Variants in FBXW11 observed in about 807,000 individuals in gnomAD.
FBXW11 encodes the protein F-box/WD repeat-containing protein 11.
In FBXW11, 19 loss-of-function variants were observed where a neutral mutation model predicts 77.6. The observed-to-expected ratio is 0.24, with a 90% CI of 0.17 to 0.36. The LOEUF is 0.36. Among genes scored for constraint, FBXW11 ranks in the 10% least tolerant of loss-of-function variants. FBXW11 has a pLI of 1.00. For missense variants in FBXW11, 334 were observed against 704.2 expected, an observed-to-expected ratio of 0.47 and a Z score of 5.95; for synonymous variants, 235 against 249.4, an observed-to-expected ratio of 0.94 and a Z score of 0.54.
intron 7 of FBXW11, among the ~76,000 whole-genome samples, chr5:171,888,190 A>T (rs1336844726): frequency 6.6e-6 from 1 of 152,206 alleles, no homozygotes; most frequent in Non-Finnish European, 1.5e-5. Context: ...AAAAATTCCA[A>T]GAGTGACCCA....
chr5:171,875,954 C>T (rs1432574629), intron 9 of FBXW11, among the ~76,000 whole-genome samples: 1 of 152,184 alleles, frequency 6.6e-6, no homozygotes, highest in African/African-American at 2.4e-5. Context: ...GCCACACCTA[C>T]CTTAAAAGTG....
At chr5:171,947,747 C>A (rs1238371749) in intron 2 of FBXW11, among the ~76,000 whole-genome samples, 3 of 151,984 alleles carry the variant, frequency 2.0e-5, no homozygotes, top group Non-Finnish European at 4.4e-5. Context: ...GAGACGCCAT[C>A]TCTACAAAAA....
intron 4 of FBXW11, among the ~76,000 whole-genome samples, chr5:171,902,358 T>C (rs890352174): frequency 1.3e-5 from 2 of 152,222 alleles, no homozygotes; most frequent in African/African-American, 4.8e-5. Flanking sequence ...CTTTTAAACA[T>C]ATCTAGTTCA....
intron 1 of FBXW11, among the ~76,000 whole-genome samples, chr5:171,981,375 G>C (rs1475507266): frequency 2.0e-5 from 3 of 152,148 alleles, no homozygotes; most frequent in African/African-American, 7.2e-5. Flanking sequence ...CCTGAGTTCT[G>C]TGAGCCTTTA....
At chr5:172,004,177 C>G (rs1766586490) in intron 1 of FBXW11, among the ~76,000 whole-genome samples, 1 of 152,148 alleles carries the variant, frequency 6.6e-6, no homozygotes, top group Non-Finnish European at 1.5e-5. Flanking sequence ...TACATTTGAT[C>G]CTGGATTTAC....
At chr5:171,967,204 G>C (rs915704491) in intron 1 of FBXW11, among the ~76,000 whole-genome samples, 4 of 152,146 alleles carry the variant, frequency 2.6e-5, no homozygotes, top group Non-Finnish European at 5.9e-5. Flanking sequence ...CACATCATTT[G>C]ACTCAGCAAT....
At chr5:171,878,476 G>A (rs1328657832) in intron 7 of FBXW11, among the ~76,000 whole-genome samples, 1 of 152,114 alleles carries the variant, frequency 6.6e-6, no homozygotes, top group Non-Finnish European at 1.5e-5. Flanking sequence ...CATTTTGGGA[G>A]GCCGAGACAG....
At chr5:171,986,010 T>C (rs72835284) in intron 1 of FBXW11, among the ~76,000 whole-genome samples, 14,234 of 152,178 alleles carry the variant, frequency 0.094, 967 homozygotes, top group Non-Finnish European at 0.14. Context: ...CTCATAGGAG[T>C]TACGTACAGG....
intron 4 of FBXW11, among the ~76,000 whole-genome samples, chr5:171,905,206 C>T (rs1760393541): frequency 1.3e-5 from 2 of 152,182 alleles, no homozygotes; most frequent in African/African-American, 2.4e-5. Context: ...AACTAGGTTG[C>T]ATCTCAGTTC....
intron 2 of FBXW11, among the ~76,000 whole-genome samples, chr5:171,937,837 C>CAAAAAAAAAAA (rs893848306): frequency 3.5e-5 from 2 of 57,782 alleles, no homozygotes. Flanking sequence ...CAAAAAAAAG[C>CAAAAAAAAAAA]AAAAAAAAAA....
At chr5:172,006,150 T>C (rs1766751127) in intron 1 of FBXW11, among the ~76,000 whole-genome samples, 1 of 152,132 alleles carries the variant, frequency 6.6e-6, no homozygotes, top group African/African-American at 2.4e-5. Flanking sequence ...AATGGGGTGC[T>C]AGAGCGAGTG....
intron 1 of FBXW11, among the ~76,000 whole-genome samples, chr5:171,996,541 T>G (rs1295738647): frequency 6.6e-6 from 1 of 152,172 alleles, no homozygotes; most frequent in African/African-American, 2.4e-5. Flanking sequence ...CATGTGCCTG[T>G]GGTCCCAGCT....
At chr5:171,870,680 A>T in intron 11 of FBXW11, 68 bp downstream of exon 11, 1 of 1,194,014 alleles carries the variant, frequency 8.4e-7, no homozygotes, top group Non-Finnish European at 1.2e-6. Context: ...AGAGTTGCTT[A>T]ATATATAACA....
chr5:171,995,824 G>A (rs1268835600), intron 1 of FBXW11, among the ~76,000 whole-genome samples: 2 of 152,126 alleles, frequency 1.3e-5, no homozygotes, highest in Non-Finnish European at 2.9e-5. Flanking sequence ...TCTTTGAGTG[G>A]AAACGTGTTG....
At chr5:171,895,680 T>C (rs189661812) in intron 6 of FBXW11, among the ~76,000 whole-genome samples, 1 of 152,340 alleles carries the variant, frequency 6.6e-6, no homozygotes, top group African/African-American at 2.4e-5. Flanking sequence ...TCTCTGTTAA[T>C]AGACAATTGG....
chr5:171,992,433 A>G (rs778632727), intron 1 of FBXW11, among the ~76,000 whole-genome samples: 8 of 151,974 alleles, frequency 5.3e-5, no homozygotes, highest in Non-Finnish European at 1.2e-4. Flanking sequence ...TGAAAGAAAA[A>G]GAGAGAAAGG....
chr5:171,873,038 C>T (rs760232552), intron 9 of FBXW11, 48 bp from the exon 10 acceptor site: 5 of 1,442,746 alleles, frequency 3.5e-6, no homozygotes, highest in Non-Finnish European at 4.9e-6. Flanking sequence ...CAGGAAAGTC[C>T]TCTCACAATA....
At position 171,866,954 on chromosome 5, in the gene FBXW11, C is replaced by A. The variant is rs139195271; in HGVS notation, c.*25+1656G>T. 4.7e-3 allele frequency among the ~76,000 whole-genome samples: 717 copies of A among 152,284 alleles called. 4 individuals carry two copies. Among genetic ancestry groups the A allele is most frequent in the Non-Finnish European group, 8.2e-3 (559 of 68,014 alleles). On this transcript the variant is annotated intron_variant, in intron 13 of 13. Coordinates refer to ENST00000517395, the MANE Select transcript of FBXW11 (RefSeq NM_001378974.1). ...GAACAGTCTGAACACACTCGAGACCCATAATAGCAAATAGGTAAGTGGCTT... is the reference window on the plus strand; with the variant it reads ...GAACAGTCTGAACACACTCGAGACCAATAATAGCAAATAGGTAAGTGGCTT...
chr5:171,968,021 T>C (rs1012645487), intron 1 of FBXW11, among the ~76,000 whole-genome samples: 11 of 151,958 alleles, frequency 7.2e-5, no homozygotes, highest in Non-Finnish European at 1.5e-4. Context: ...AACTTCTCCA[T>C]TCCCTCTCCT....
Sources: allele counts gnomAD v4.1 joint callset (sites outside exome capture counted in the v4.1 genomes callset), GRCh38; gene constraint gnomAD v4.1.1; transcripts MANE v1.5; gene names NCBI Gene and HGNC (gene_info 2026-07-23, HGNC 2026-07-21).